Variants in CDH22 observed in about 807,000 individuals in gnomAD.
The protein encoded by CDH22 is cadherin-22.
Under a neutral mutation model 58.4 loss-of-function variants are expected in CDH22, and 30 were observed. The ratio of observed to expected loss-of-function variants is 0.51; its 90% CI spans 0.38 to 0.70. The LOEUF (loss-of-function observed/expected upper bound fraction) is 0.70. CDH22 is among the 30% of genes least tolerant of loss of function. The pLI is 0.00. For synonymous variants in CDH22, 513 were observed against 558.2 expected (o/e 0.92, Z 1.14); for missense variants, 1,014 against 1,233.9 (o/e 0.82, Z 2.67).
chr20:46,196,091 C>T (rs1345308028), intron 8 of CDH22, among the ~76,000 whole-genome samples: 1 of 152,156 alleles, frequency 6.6e-6, no homozygotes, highest in Non-Finnish European at 1.5e-5. Context: ...GCACCTGGGG[C>T]TCTGGCTGGC....
Position 46,174,623 on chromosome 20 carries a change from G to C in CDH22, c.2370C>G (p.Ser790Arg), listed in dbSNP as rs749965640. The C allele has an allele frequency of 6.5e-7, 1 of 1,546,932 alleles. No individual in the cohort carries two copies. The highest frequency in any genetic ancestry group is 8.7e-7 in the Non-Finnish European group (1 of 1,151,344). The change falls in exon 12 of 12, where the codon AGC becomes AGG. Residue 790 changes from serine to arginine, a missense_variant. Around this residue, in one of 2 missense-constraint regions of CDH22, gnomAD observed 208 missense variants for 195.2 expected, o/e 1.07. Transcript: ENST00000537909. This position sits in a 1 kb window ranked among gnomAD's most constrained non-coding sequence, Gnocchi z 4.4. The stretch of plus-strand genomic sequence containing the variant: ...AGTCCTGCTCGGAGCCCGACGAGCC[G>C]CTGTGCAGGGAGCTGAGCGAGGCGG... Reference protein sequence around the residue: ...SPAASLSSLHSGSSGSEQDFA... With the variant: ...SPAASLSSLHRGSSGSEQDFA...
chr20:46,285,130 G>A (rs1367958153), intron 1 of CDH22, among the ~76,000 whole-genome samples: 1 of 152,222 alleles, frequency 6.6e-6, no homozygotes, highest in Non-Finnish European at 1.5e-5. Context: ...ATTCTGGGAA[G>A]CTTGCCTTTG....
intron 10 of CDH22, among the ~76,000 whole-genome samples, chr20:46,183,233 C>A (rs1451870896): frequency 6.6e-6 from 1 of 152,132 alleles, no homozygotes; most frequent in African/African-American, 2.4e-5. Flanking sequence ...ACTAAGCCCC[C>A]CAAATCTCTC....
At chr20:46,284,178 G>A (rs1254396018) in intron 1 of CDH22, among the ~76,000 whole-genome samples, 3 of 151,202 alleles carry the variant, frequency 2.0e-5, no homozygotes, top group African/African-American at 4.9e-5. Flanking sequence ...CGGGTCTGAC[G>A]CACAGACCCA....
chr20:46,296,057 C>T (rs1331377297), intron 1 of CDH22, among the ~76,000 whole-genome samples: 3 of 152,198 alleles, frequency 2.0e-5, no homozygotes, highest in Non-Finnish European at 4.4e-5. Flanking sequence ...ACCACCATGC[C>T]GGGCCTGTTG....
At chr20:46,293,283 A>G (rs958168388) in intron 1 of CDH22, among the ~76,000 whole-genome samples, 3 of 152,128 alleles carry the variant, frequency 2.0e-5, no homozygotes, top group Admixed American at 1.3e-4. Flanking sequence ...GACACTTTAT[A>G]AAAAATGCTT....
At chr20:46,217,711 C>T (rs145287727) in intron 4 of CDH22, among the ~76,000 whole-genome samples, 2 of 152,196 alleles carry the variant, frequency 1.3e-5, no homozygotes, top group African/African-American at 4.8e-5. Context: ...GATGCACTCT[C>T]ACAAATAACT....
At chr20:46,252,154 C>T (rs2086381214) in intron 1 of CDH22, among the ~76,000 whole-genome samples, 1 of 152,094 alleles carries the variant, frequency 6.6e-6, no homozygotes, top group Non-Finnish European at 1.5e-5. Flanking sequence ...CAGCCCACCA[C>T]CAAATATGCC....
intron 4 of CDH22, among the ~76,000 whole-genome samples, chr20:46,224,732 C>T (rs1418738644): frequency 6.6e-6 from 1 of 152,190 alleles, no homozygotes; most frequent in African/African-American, 2.4e-5. Flanking sequence ...CCTCCCCCAA[C>T]CTAGTCCTGC....
chr20:46,241,338 C>A lies in CDH22; in HGVS notation c.256-81G>T. Reference sequence around the variant, plus strand: ...CTCACTGTCTCATGCCATTGGCTGCCTATTCCTAAGCCCATCTCTTCTCCA... The same window carrying A: ...CTCACTGTCTCATGCCATTGGCTGCATATTCCTAAGCCCATCTCTTCTCCA... On this transcript the variant is annotated intron_variant, in intron 2 of 11. Transcript: ENST00000537909. The surrounding 1 kb of genome is among the most constrained non-coding windows in gnomAD (Gnocchi z 5.2). The A allele has an allele frequency of 8.1e-7, 1 of 1,237,138 alleles. No homozygotes were observed. The highest frequency in any genetic ancestry group is 1.1e-6 in the Non-Finnish European group (1 of 896,894). 76.6% of individuals were successfully genotyped at this position (1,237,138 alleles called of 1,614,324 possible).
At chr20:46,194,031 C>CA (rs1160451367) in intron 8 of CDH22, among the ~76,000 whole-genome samples, 8 of 152,002 alleles carry the variant, frequency 5.3e-5, no homozygotes, top group Non-Finnish European at 1.2e-4. Context: ...CACACAAAAA[C>CA]AAAAAAATAG....
At chr20:46,200,366 C>T (rs1309504853) in intron 7 of CDH22, among the ~76,000 whole-genome samples, 1 of 151,862 alleles carries the variant, frequency 6.6e-6, no homozygotes, top group African/African-American at 2.4e-5. Flanking sequence ...CCTCCATCTC[C>T]TGGGCTCAAG....
intron 10 of CDH22, among the ~76,000 whole-genome samples, chr20:46,184,221 C>T (rs1328489222): frequency 6.6e-6 from 1 of 152,070 alleles, no homozygotes; most frequent in Non-Finnish European, 1.5e-5. Flanking sequence ...GCCTCAGCCT[C>T]TGGAGTAGCT....
At chr20:46,194,254 CAA>C (rs943976667) in intron 8 of CDH22, among the ~76,000 whole-genome samples, 1 of 152,144 alleles carries the variant, frequency 6.6e-6, no homozygotes, top group African/African-American at 2.4e-5. Flanking sequence ...GGGTGGGTGA[CAA>C]GAGGCCCCAG....
In CDH22 at chr20:46,174,593, G is replaced by C; in HGVS notation, c.2400C>G (p.Ala800=). 6.5e-7 allele frequency: 1 copy of C among 1,534,706 alleles called. No individual in the cohort carries two copies. The highest frequency in any genetic ancestry group is 8.7e-7 in the Non-Finnish European group (1 of 1,145,452). ...SGSSGSEQDF[A]YLSSWGPRFR... ...AGCGCGGACCCCAGCTGCTGAGATA[G>C]GCGAAGTCCTGCTCGGAGCCCGACG... The change falls in exon 12 of 12, where the codon GCC becomes GCG. Residue 800 remains alanine, a synonymous_variant. Transcript: ENST00000537909. The surrounding 1 kb of genome is among the most constrained non-coding windows in gnomAD (Gnocchi z 4.4).
chr20:46,259,468 C>T (rs1184788018), intron 1 of CDH22, among the ~76,000 whole-genome samples: 1 of 152,196 alleles, frequency 6.6e-6, no homozygotes, highest in Non-Finnish European at 1.5e-5. Context: ...GCCACACCAC[C>T]TGTAAGTGCT....
intron 1 of CDH22, among the ~76,000 whole-genome samples, chr20:46,258,983 A>G (rs1485279666): frequency 1.3e-5 from 2 of 152,202 alleles, no homozygotes; most frequent in African/African-American, 2.4e-5. Flanking sequence ...AATAGCGATG[A>G]AGCATTTCCA....
rs2086445247 is a variant in CDH22 at position 46,263,704 on chromosome 20, A to G, written c.-399-12011T>C. The stretch of plus-strand genomic sequence containing the variant: ...GTGCAGAGCCATATTTAGGGGACCG[A>G]AAGGCCAGGGGAAGAGCAGAGTGTG... On this transcript the variant is annotated intron_variant, in intron 1 of 11. Coordinates refer to ENST00000537909, the MANE Select transcript of CDH22 (RefSeq NM_021248.3). Among the ~76,000 whole-genome samples the G allele has an allele frequency of 3.9e-5, 6 of 152,180 alleles. No individual in the cohort carries two copies. In the South Asian group the frequency reaches 1.2e-3, roughly 32 times the overall value.
At chr20:46,175,749 C>T (rs752940244) in intron 11 of CDH22, among the ~76,000 whole-genome samples, 8 of 152,188 alleles carry the variant, frequency 5.3e-5, no homozygotes, top group South Asian at 2.1e-4. Flanking sequence ...GATCCTGGCA[C>T]GGATCTTGTG....
Sources: gnomAD v4.1 joint callset for allele counts (sites outside exome capture counted in the v4.1 genomes callset) on GRCh38, gnomAD v4.1.1 for gene constraint, gnomAD v4.1.1 regional missense constraint, Gnocchi (gnomAD v3.1) non-coding constraint, MANE v1.5 for transcripts, NCBI Gene and HGNC (gene_info 2026-07-23, HGNC 2026-07-21) for gene names.